The following CHD5 variants were observed in gnomAD, a reference collection of about 807,000 sequenced individuals.
CHD5 encodes chromodomain helicase DNA binding protein 5.
A neutral mutation model predicts 230.3 loss-of-function variants in CHD5; 69 were observed. The observed-to-expected ratio is 0.30, with a 90% CI of 0.25 to 0.37. CHD5 has a LOEUF of 0.37. CHD5 is among the 10% of genes least tolerant of loss of function. The pLI is 1.00. For synonymous variants in CHD5, 1,064 were observed against 1,065.9 expected (o/e 1.00, Z 0.03); for missense variants, 1,827 against 2,622.8 (o/e 0.70, Z 6.63).
At chr1:6,178,154 C>G (rs569737435) in intron 1 of CHD5, among the ~76,000 whole-genome samples, 14 of 152,314 alleles carry the variant, frequency 9.2e-5, no homozygotes, top group African/African-American at 3.1e-4. Context: ...TTCTGCAGGG[C>G]TCTGGGGGCA....
chr1:6,115,546 TCAC>T (rs1308720549), intron 33 of CHD5, among the ~76,000 whole-genome samples: 1 of 152,160 alleles, frequency 6.6e-6, no homozygotes, highest in East Asian at 1.9e-4. Flanking sequence ...GGGTTTCTGT[TCAC>T]CACTGCTGGC....
Position 6,105,084 on chromosome 1 carries a change from G to A in CHD5, c.*390C>T, listed in dbSNP as rs1437679587. On this transcript the variant is annotated 3_prime_UTR_variant, in exon 42 of 42. Transcript: ENST00000262450. This position sits in a 1 kb window ranked among gnomAD's most constrained non-coding sequence, Gnocchi z 4.8. ...AAAGAGACATCAGTGCTGCAGGTTC[G>A]AATCTTCCATACGTCATCCAACTTT... The A allele has an allele frequency of 2.8e-5, 9 of 322,958 alleles. No individual in the cohort carries two copies. Among genetic ancestry groups the A allele is most frequent in the African/African-American group, 6.5e-5 (3 of 45,944 alleles). 20.0% of individuals were successfully genotyped at this position (322,958 alleles called of 1,614,324 possible).
chr1:6,134,325 G>A lies in CHD5; in HGVS notation c.3013-66C>T. The A allele has an allele frequency of 1.3e-6, 2 of 1,573,164 alleles. No individual in the cohort carries two copies. The highest frequency in any genetic ancestry group is 1.7e-6 in the Non-Finnish European group (2 of 1,156,636). ...TCTCCTCTCTGACTCTGCACCAAAG[G>A]GGCCGCAGGGAACAGACAAGTGCTG... On this transcript the variant is annotated intron_variant, in intron 19 of 41. Coordinates refer to ENST00000262450, the MANE Select transcript of CHD5 (RefSeq NM_015557.3). The surrounding 1 kb of genome is among the most constrained non-coding windows in gnomAD (Gnocchi z 6.3).
intron 33 of CHD5, among the ~76,000 whole-genome samples, chr1:6,118,867 T>C (rs1666417987): frequency 6.6e-6 from 1 of 151,798 alleles, no homozygotes; most frequent in South Asian, 2.1e-4. Context: ...CCAGCTGATT[T>C]TTGTATTTTT....
rs1253456415 is a variant in CHD5 at position 6,121,998 on chromosome 1, C to T, written c.4700-425G>A. Among the ~76,000 whole-genome samples the T allele has an allele frequency of 2.0e-5, 3 of 152,318 alleles. No homozygotes were observed. The East Asian group carries it at 5.8e-4, about 29-fold the overall frequency. On this transcript the variant is annotated intron_variant, in intron 31 of 41. Transcript: ENST00000262450. The surrounding 1 kb of genome is among the most constrained non-coding windows in gnomAD (Gnocchi z 4.5). The stretch of plus-strand genomic sequence containing the variant: ...CCAGCCGCCAACACACTGCAAAGTG[C>T]TGGTCACTTACACAGCTCTGAGAAG...
At chr1:6,161,815 T>A (rs969576114) in intron 2 of CHD5, among the ~76,000 whole-genome samples, 3 of 152,078 alleles carry the variant, frequency 2.0e-5, no homozygotes, top group African/African-American at 7.2e-5. Flanking sequence ...GCCATGAACT[T>A]CAGCACCACG....
chr1:6,102,114 G>A lies in CHD5; in HGVS notation c.*3360C>T, dbSNP rs1064285. ...TGCTCCCTCCACACCCCTGAACTCA[G>A]ACCCCACGGGCCAGTGGGGACCCTC... On this transcript the variant is annotated 3_prime_UTR_variant, in exon 42 of 42. Coordinates refer to ENST00000262450, the MANE Select transcript of CHD5 (RefSeq NM_015557.3). 1 of 344,838 alleles carries A rather than the reference G, an allele frequency of 2.9e-6. No homozygotes were observed. The highest frequency in any genetic ancestry group is 5.8e-6 in the Non-Finnish European group (1 of 172,108). The allele number at this position is 344,838 out of a possible 1,614,324, so 21.4% of individuals were successfully genotyped here.
At chr1:6,114,393 G>A (rs1666342414) in intron 33 of CHD5, among the ~76,000 whole-genome samples, 1 of 152,132 alleles carries the variant, frequency 6.6e-6, no homozygotes, top group African/African-American at 2.4e-5. Context: ...TCAAACAGAG[G>A]TGTCCAATCT....
At chr1:6,153,095 G>A (rs1222876216) in intron 5 of CHD5, among the ~76,000 whole-genome samples, 2 of 152,340 alleles carry the variant, frequency 1.3e-5, no homozygotes, top group East Asian at 3.9e-4. Context: ...AATGACCCAA[G>A]AAGGAAGGGG....
intron 1 of CHD5, among the ~76,000 whole-genome samples, chr1:6,177,759 G>A (rs944152393): frequency 3.3e-5 from 5 of 152,260 alleles, no homozygotes; most frequent in African/African-American, 1.2e-4. Context: ...GGAAAGAGCA[G>A]GTCAGGCAGA....
At chr1:6,166,999 C>A (rs141075657) in intron 2 of CHD5, among the ~76,000 whole-genome samples, 1 of 152,316 alleles carries the variant, frequency 6.6e-6, no homozygotes, top group Non-Finnish European at 1.5e-5. Flanking sequence ...CTGGCAGCCA[C>A]CTCCCCACCT....
At chr1:6,159,227 T>TTA in intron 3 of CHD5, 109 bp downstream of exon 3, 1 of 1,401,428 alleles carries the variant, frequency 7.1e-7, no homozygotes, top group South Asian at 1.5e-5. Context: ...TGAGACTCCA[T>TTA]CACACACACA....
At position 6,123,970 on chromosome 1, in the gene CHD5, CAGG is replaced by C; in HGVS notation, c.4674_4676del (p.Leu1559del). 6.3e-7 allele frequency: 1 copy of C among 1,593,036 alleles called. No individual in the cohort carries two copies. Among genetic ancestry groups the C allele is most frequent in the Non-Finnish European group, 8.5e-7 (1 of 1,172,264 alleles). On this transcript the variant is annotated inframe_deletion, in exon 31 of 42. Transcript: ENST00000262450. ...GACCTGGCAGGCCCAGCGGGGCTGG[CAGG>C]AGGTGGGCAGGGCTGGCGGGCACTG...
rs1168737908 is a variant in CHD5 at position 6,126,178 on chromosome 1, C to T, written c.4079-320G>A. 6.6e-6 allele frequency among the ~76,000 whole-genome samples: 1 copy of T among 152,188 alleles called. No individual in the cohort carries two copies. On this transcript the variant is annotated intron_variant, in intron 26 of 41. Transcript: ENST00000262450. The surrounding 1 kb of genome is among the most constrained non-coding windows in gnomAD (Gnocchi z 5.7). ...AACACCCAGCACCTCTGCACCTGCC[C>T]CCAGTCCCCTTTCCTCCAAAAAGCT...
At chr1:6,136,427 G>A (rs1213487120) in intron 17 of CHD5, 90 bp downstream of exon 17, 1 of 1,466,286 alleles carries the variant, frequency 6.8e-7, no homozygotes, top group Admixed American at 1.9e-5. Flanking sequence ...CGGCCGAGCA[G>A]GTCTCACAGC....
At chr1:6,161,844 C>T (rs927068931) in intron 2 of CHD5, among the ~76,000 whole-genome samples, 2 of 152,178 alleles carry the variant, frequency 1.3e-5, no homozygotes, top group Admixed American at 1.3e-4. Context: ...CTGGGGCTGG[C>T]CGGAGGAAGG....
chr1:6,142,186 T>C lies in CHD5; in HGVS notation c.2378A>G (p.Asn793Ser). 6.2e-7 allele frequency: 1 copy of C among 1,614,184 alleles called. No homozygotes were observed. The highest frequency in any genetic ancestry group is 8.5e-7 in the Non-Finnish European group (1 of 1,180,012). ...DKESRSVIRE[N>S]EFSFEDNAIR... ...GGCGTTGTCCTCAAAGGAAAACTCG[T>C]TCTCCCGAATCACCGAGCGGCTCTC... The change falls in exon 15 of 42, where the codon AAC (asparagine) becomes AGC (serine). Residue 793 changes from asparagine to serine, a missense_variant. Asn to Ser is a conservative substitution (Grantham distance 46). Transcript: ENST00000262450. The surrounding 1 kb of genome is among the most constrained non-coding windows in gnomAD (Gnocchi z 5.2).
chr1:6,151,225 G>A, intron 6 of CHD5, 70 bp from the exon 7 acceptor site: 1 of 1,503,972 alleles, frequency 6.6e-7, no homozygotes, highest in East Asian at 2.4e-5. Context: ...CAGGCAGTGT[G>A]GGGTGGGACA....
rs1279776380 is a variant in CHD5 at position 6,110,648 on chromosome 1, G to A, written c.5250-122C>T. 53 of 1,026,168 alleles carry A rather than the reference G, an allele frequency of 5.2e-5. 1 individual carries two copies. The East Asian group carries it at 1.3e-3, about 26-fold the overall frequency. The allele number at this position is 1,026,168 out of a possible 1,614,324, so 63.6% of individuals were successfully genotyped here. Reference sequence around the variant, plus strand: ...CGGCATTCTGGCTGTACGCTCTCAGGCAAGTCCTTAAGCCCAGCTGCACGA... The same window carrying A: ...CGGCATTCTGGCTGTACGCTCTCAGACAAGTCCTTAAGCCCAGCTGCACGA... On this transcript the variant is annotated intron_variant, in intron 36 of 41. Transcript: ENST00000262450.
Sources: allele counts gnomAD v4.1 joint callset (sites outside exome capture counted in the v4.1 genomes callset), GRCh38; gene constraint gnomAD v4.1.1; non-coding constraint Gnocchi (gnomAD v3.1); transcripts MANE v1.5; gene names NCBI Gene and HGNC (gene_info 2026-07-23, HGNC 2026-07-21).